The following EYA4 variants were observed in gnomAD, a reference collection of about 807,000 sequenced individuals.
EYA4 encodes EYA transcriptional coactivator and phosphatase 4.
In EYA4, 31 loss-of-function variants were observed where a neutral mutation model predicts 87.9. That is an observed-to-expected ratio of 0.35 (90% CI 0.27 to 0.48). The LOEUF is 0.48. EYA4 is among the 20% of genes least tolerant of loss of function. The pLI, the probability that EYA4 is intolerant of heterozygous loss-of-function variation, is 0.99. For missense variants in EYA4, 678 were observed against 761.4 expected, an observed-to-expected ratio of 0.89 and a Z score of 1.29; for synonymous variants, 263 against 270.6, an observed-to-expected ratio of 0.97 and a Z score of 0.28.
chr6:133,302,898 G>A (rs72991915), intron 2 of EYA4, among the ~76,000 whole-genome samples: 1,589 of 152,230 alleles, frequency 0.01, 19 homozygotes, highest in South Asian at 0.026. Context: ...GGGGTTTGCA[G>A]ATTTTTTTCT....
intron 10 of EYA4, among the ~76,000 whole-genome samples, chr6:133,467,599 G>C (rs1794962263): frequency 6.6e-6 from 1 of 151,908 alleles, no homozygotes; most frequent in African/African-American, 2.4e-5. Flanking sequence ...TTAGTTTTCT[G>C]CCATATTACT....
At chr6:133,264,408 C>T (rs889928425) in intron 1 of EYA4, among the ~76,000 whole-genome samples, 1 of 152,250 alleles carries the variant, frequency 6.6e-6, no homozygotes. Flanking sequence ...TCGGAACCAT[C>T]ACTCTGGTTG....
intron 6 of EYA4, among the ~76,000 whole-genome samples, chr6:133,458,274 C>T (rs1404595540): frequency 6.6e-6 from 1 of 152,038 alleles, no homozygotes; most frequent in Non-Finnish European, 1.5e-5. Flanking sequence ...TTCATTTTCA[C>T]AGCAATATTG....
rs540034376 is a variant in EYA4 at position 133,496,595 on chromosome 6, T to G, written c.1192-9511T>G. Among the ~76,000 whole-genome samples the G allele has an allele frequency of 5.3e-5, 8 of 152,122 alleles. No homozygotes were observed. In the South Asian group the frequency reaches 1.2e-3, roughly 24 times the overall value. ...GGCAGTCGACTAGCTGAAGGAGCAC[T>G]GAACTAAAAGTCAGAAGGACCTCCT... On this transcript the variant is annotated intron_variant, in intron 13 of 19. Transcript: ENST00000355286.
At chr6:133,387,328 G>C (rs943737133) in intron 3 of EYA4, among the ~76,000 whole-genome samples, 1 of 152,106 alleles carries the variant, frequency 6.6e-6, no homozygotes, top group Non-Finnish European at 1.5e-5. Context: ...TTCAAAGCAG[G>C]GAAAGCTGAG....
intron 12 of EYA4, among the ~76,000 whole-genome samples, chr6:133,482,293 C>T (rs1237987469): frequency 1.3e-5 from 2 of 152,188 alleles, no homozygotes; most frequent in Non-Finnish European, 2.9e-5. Flanking sequence ...ACTTCCTTTT[C>T]TTGAACAACA....
chr6:133,519,747 T>TA (rs1799944448), intron 17 of EYA4, among the ~76,000 whole-genome samples: 1 of 151,144 alleles, frequency 6.6e-6, no homozygotes, highest in Non-Finnish European at 1.5e-5. Flanking sequence ...AAATCCTCAA[T>TA]AAAATACTGG....
At position 133,525,249 on chromosome 6, in the gene EYA4, AAAAAG is replaced by A. The variant is rs762369993; in HGVS notation, c.1835_1839del (p.Lys612ThrfsTer48). On this transcript the variant is annotated frameshift_variant and splice_region_variant, in exon 19 of 20. Coordinates refer to ENST00000355286, the MANE Select transcript of EYA4 (RefSeq NM_004100.5). LOFTEE classifies it high-confidence loss of function. ...TGGTGTAGAAGAAGAACAGGCAGCA[AAAAAG>A]GTAACCTGTCTCAAACAATGTCGGT... The A allele has an allele frequency of 6.2e-7, 1 of 1,612,718 alleles. No homozygotes were observed. The highest frequency in any genetic ancestry group is 8.5e-7 in the Non-Finnish European group (1 of 1,178,882).
chr6:133,298,628 T>C (rs1436832161), intron 2 of EYA4, among the ~76,000 whole-genome samples: 1 of 152,224 alleles, frequency 6.6e-6, no homozygotes, highest in Non-Finnish European at 1.5e-5. Flanking sequence ...TTCACTGTCT[T>C]TCTTAGTTTC....
chr6:133,292,586 A>G (rs1355791113), intron 2 of EYA4, among the ~76,000 whole-genome samples: 1 of 152,220 alleles, frequency 6.6e-6, no homozygotes, highest in Non-Finnish European at 1.5e-5. Flanking sequence ...TGAATGTATC[A>G]ACATTTATAC....
chr6:133,305,284 A>G (rs1779720680), intron 2 of EYA4, among the ~76,000 whole-genome samples: 1 of 152,124 alleles, frequency 6.6e-6, no homozygotes, highest in South Asian at 2.1e-4. Context: ...AGATAAAGCC[A>G]CTGGAGAGTT....
At chr6:133,384,122 C>T (rs1443773901) in intron 3 of EYA4, among the ~76,000 whole-genome samples, 1 of 152,070 alleles carries the variant, frequency 6.6e-6, no homozygotes. Flanking sequence ...TAATACTATG[C>T]TTAAGTAAAT....
At chr6:133,379,771 G>T (rs530314253) in intron 2 of EYA4, among the ~76,000 whole-genome samples, 1 of 152,210 alleles carries the variant, frequency 6.6e-6, no homozygotes, top group African/African-American at 2.4e-5. Context: ...CCAGATCAAT[G>T]CCATCTCTGC....
chr6:133,339,010 C>A (rs1406348943), intron 2 of EYA4, among the ~76,000 whole-genome samples: 3 of 152,084 alleles, frequency 2.0e-5, no homozygotes, highest in Admixed American at 2.0e-4. Context: ...TATCAGTAAA[C>A]CTTATTAGGT....
intron 2 of EYA4, among the ~76,000 whole-genome samples, chr6:133,287,856 C>T (rs919100291): frequency 3.9e-5 from 6 of 152,042 alleles, no homozygotes; most frequent in Admixed American, 1.3e-4. Flanking sequence ...ACCAAGTGGC[C>T]GGGCACGGTG....
At chr6:133,466,965 T>G (rs188618501) in intron 10 of EYA4, among the ~76,000 whole-genome samples, 29 of 152,164 alleles carry the variant, frequency 1.9e-4, no homozygotes, top group Non-Finnish European at 3.7e-4. Context: ...TAATTTATGT[T>G]TTGAGACGAT....
At chr6:133,414,658 G>T (rs1789550356) in intron 3 of EYA4, among the ~76,000 whole-genome samples, 1 of 152,290 alleles carries the variant, frequency 6.6e-6, no homozygotes, top group East Asian at 1.9e-4. Context: ...TCCCCAGGGG[G>T]TAAACTGGAG....
intron 1 of EYA4, among the ~76,000 whole-genome samples, chr6:133,259,010 T>A (rs1775576095): frequency 6.6e-6 from 1 of 152,204 alleles, no homozygotes. Flanking sequence ...TGGGTATAAA[T>A]GTGATACTTT....
At chr6:133,253,501 G>A (rs7741494) in intron 1 of EYA4, among the ~76,000 whole-genome samples, 2,095 of 152,070 alleles carry the variant, frequency 0.014, 40 homozygotes, top group African/African-American at 0.042. Flanking sequence ...GTCCTAATGT[G>A]GTAAGACTTA....
Sources: allele counts gnomAD v4.1 joint callset (sites outside exome capture counted in the v4.1 genomes callset), GRCh38; gene constraint gnomAD v4.1.1; transcripts MANE v1.5; gene names NCBI Gene and HGNC (gene_info 2026-07-23, HGNC 2026-07-21).